Variants in ME1 observed in about 807,000 individuals in gnomAD.
The protein encoded by ME1 is malic enzyme 1.
In ME1, 74 loss-of-function variants were observed where a neutral mutation model predicts 66.4. The ratio of observed to expected loss-of-function variants is 1.11; its 90% confidence interval spans 0.92 to 1.35. The LOEUF is 1.35. Ranked by LOEUF, ME1 falls within the 40% of genes most tolerant of loss-of-function variation. ME1 has a pLI of 0.00. For synonymous variants in ME1, 251 were observed against 235.6 expected, an observed-to-expected ratio of 1.07 and a Z score of -0.60; for missense variants, 750 against 694.1, an observed-to-expected ratio of 1.08 and a Z score of -0.90.
At chr6:83,268,318 G>A (rs1767024828) in intron 6 of ME1, among the ~76,000 whole-genome samples, 1 of 151,976 alleles carries the variant, frequency 6.6e-6, no homozygotes, top group Non-Finnish European at 1.5e-5. Context: ...TTTATTTCAG[G>A]GTAAGACTTT....
intron 1 of ME1, among the ~76,000 whole-genome samples, chr6:83,414,490 C>G (rs973878087): frequency 6.6e-6 from 1 of 151,872 alleles, no homozygotes; most frequent in Non-Finnish European, 1.5e-5. Context: ...CCTTTGATAC[C>G]CTAAAATTTA....
At chr6:83,237,888 T>C (rs1365121016) in intron 8 of ME1, 58 bp from the exon 9 acceptor site, 5 of 836,166 alleles carry the variant, frequency 6.0e-6, no homozygotes, top group African/African-American at 1.7e-5. Flanking sequence ...TATTAAGGGT[T>C]ACATTTCACC....
At position 83,325,939 on chromosome 6, in the gene ME1, C is replaced by T. The variant is rs557722891; in HGVS notation, c.601-10526G>A. Among the ~76,000 whole-genome samples the T allele has an allele frequency of 5.0e-5, 7 of 138,636 alleles. No individual in the cohort carries two copies. The East Asian group carries it at 8.2e-4, about 16-fold the overall frequency. The allele number at this position is 138,636 out of a possible 152,430, so 91.0% of individuals were successfully genotyped here. A position where few individuals can be genotyped will look rare whatever the true frequency, so the allele number is the denominator to read the frequency against. On this transcript the variant is annotated intron_variant, in intron 5 of 13. Transcript: ENST00000369705. ...CCTAAGCAAAAAAAACACAAAAAAACGAAGCAAACAAAAAAAAAAAAAAAC... is the reference window on the plus strand; with the variant it reads ...CCTAAGCAAAAAAAACACAAAAAAATGAAGCAAACAAAAAAAAAAAAAAAC...
intron 3 of ME1, among the ~76,000 whole-genome samples, chr6:83,382,440 A>G (rs773106336): frequency 1.8e-4 from 28 of 152,106 alleles, no homozygotes; most frequent in Non-Finnish European, 3.5e-4. Context: ...TTGAATGGTC[A>G]ATAATATTAT....
Position 83,368,153 on chromosome 6 carries a change from G to A in ME1, c.363-16014C>T, listed in dbSNP as rs1891554. On this transcript the variant is annotated intron_variant, in intron 3 of 13. Transcript: ENST00000369705. The stretch of plus-strand genomic sequence containing the variant: ...TAAGTTTGCAGTCTTATATGGGAGC[G>A]GTTCATGGTACCCCAGAATAATTAC... Among the ~76,000 whole-genome samples the A allele has an allele frequency of 7.4e-3, 1,120 of 151,720 alleles. 30 individuals carry two copies. The highest frequency in any genetic ancestry group is 0.061 in the East Asian group (313 of 5,160).
chr6:83,323,674 C>G (rs1466975608), intron 5 of ME1, among the ~76,000 whole-genome samples: 1 of 152,118 alleles, frequency 6.6e-6, no homozygotes, highest in African/African-American at 2.4e-5. Context: ...CAGGAGCACC[C>G]AGGTTCATAA....
chr6:83,411,018 C>A (rs1770039586), intron 1 of ME1, among the ~76,000 whole-genome samples: 1 of 152,182 alleles, frequency 6.6e-6, no homozygotes, highest in Non-Finnish European at 1.5e-5. Context: ...AAAACAACAG[C>A]AACAAAACCT....
chr6:83,265,881 C>T (rs1766979341), intron 6 of ME1, among the ~76,000 whole-genome samples: 1 of 152,082 alleles, frequency 6.6e-6, no homozygotes, highest in Non-Finnish European at 1.5e-5. Flanking sequence ...TATCCTTTTT[C>T]CTCATTGGCA....
At chr6:83,244,236 T>C (rs151041048) in intron 7 of ME1, among the ~76,000 whole-genome samples, 303 of 152,098 alleles carry the variant, frequency 2.0e-3, no homozygotes, top group African/African-American at 7.1e-3. Context: ...GAAGATTACC[T>C]AAGGAAATGG....
chr6:83,315,421 A>G lies in ME1; in HGVS notation c.601-8T>C. On this transcript the variant is annotated splice_region_variant and splice_polypyrimidine_tract_variant and intron_variant, in intron 5 of 13. Coordinates refer to ENST00000369705, the MANE Select transcript of ME1 (RefSeq NM_002395.6). The stretch of plus-strand genomic sequence containing the variant: ...TGGATCTTTAAGTAACTCCTATTAA[A>G]AAAAGTTACCATAAAAATAGAAATA... 1 of 1,479,258 alleles carries G rather than the reference A, an allele frequency of 6.8e-7. No individual in the cohort carries two copies. The highest frequency in any genetic ancestry group is 9.3e-7 in the Non-Finnish European group (1 of 1,071,450). 91.6% of individuals were successfully genotyped at this position (1,479,258 alleles called of 1,614,324 possible). A position where few individuals can be genotyped will look rare whatever the true frequency, so the allele number is the denominator to read the frequency against.
At chr6:83,333,571 G>C (rs942433975) in intron 5 of ME1, among the ~76,000 whole-genome samples, 1 of 152,132 alleles carries the variant, frequency 6.6e-6, no homozygotes, top group Non-Finnish European at 1.5e-5. Flanking sequence ...ATTTAGATTA[G>C]GATGTTTTAC....
intron 7 of ME1, among the ~76,000 whole-genome samples, chr6:83,245,808 T>C (rs1432261400): frequency 6.6e-6 from 1 of 152,210 alleles, no homozygotes; most frequent in Non-Finnish European, 1.5e-5. Context: ...CTTTTTCTCA[T>C]AAGTATTTGA....
intron 3 of ME1, among the ~76,000 whole-genome samples, chr6:83,354,452 T>C (rs939788149): frequency 8.5e-5 from 13 of 152,158 alleles, no homozygotes; most frequent in African/African-American, 3.1e-4. Flanking sequence ...TTAAATATCA[T>C]ATTCATAGTA....
chr6:83,263,440 GC>G (rs1766932177), intron 6 of ME1, among the ~76,000 whole-genome samples: 1 of 152,150 alleles, frequency 6.6e-6, no homozygotes, highest in South Asian at 2.1e-4. Context: ...GTTGTACGAA[GC>G]AGTTAGCCAA....
intron 1 of ME1, among the ~76,000 whole-genome samples, chr6:83,426,960 A>G (rs1341382322): frequency 2.0e-5 from 3 of 152,236 alleles, no homozygotes; most frequent in Non-Finnish European, 4.4e-5. Flanking sequence ...AGGCATGATT[A>G]TTTTATTATG....
At position 83,430,986 on chromosome 6, in the gene ME1, C is replaced by A; in HGVS notation, c.-32G>T. 1 of 1,384,786 alleles carries A rather than the reference C, an allele frequency of 7.2e-7. No homozygotes were observed. The highest frequency in any genetic ancestry group is 1.5e-5 in the South Asian group (1 of 65,956). The allele number at this position is 1,384,786 out of a possible 1,614,324, so 85.8% of individuals were successfully genotyped here. On this transcript the variant is annotated 5_prime_UTR_variant, in exon 1 of 14. Transcript: ENST00000369705. ...CGCCGGGTTCGGCGGCGGGGTCAGG[C>A]CGGGGCGGGCCGCACGCGCGGTGCA...
intron 6 of ME1, among the ~76,000 whole-genome samples, chr6:83,256,304 A>T (rs1214390405): frequency 6.6e-6 from 1 of 152,212 alleles, no homozygotes; most frequent in Non-Finnish European, 1.5e-5. Context: ...GATTTTAAAA[A>T]ATTATTTAAT....
intron 5 of ME1, among the ~76,000 whole-genome samples, chr6:83,342,061 G>C (rs1768595813): frequency 6.6e-6 from 1 of 152,142 alleles, no homozygotes; most frequent in Non-Finnish European, 1.5e-5. Context: ...TGTTTGCTAG[G>C]AGTGTGACCT....
At chr6:83,314,860 C>T (rs2128539123) in intron 6 of ME1, among the ~76,000 whole-genome samples, 1 of 152,306 alleles carries the variant, frequency 6.6e-6, no homozygotes, top group African/African-American at 2.4e-5. Flanking sequence ...CCAACTCATG[C>T]TCAATCCCCA....
Sources: gnomAD v4.1 joint callset for allele counts (sites outside exome capture counted in the v4.1 genomes callset) on GRCh38, gnomAD v4.1.1 for gene constraint, MANE v1.5 for transcripts, NCBI Gene and HGNC (gene_info 2026-07-23, HGNC 2026-07-21) for gene names.